The following ERC2 variants were observed in gnomAD, a reference collection of about 807,000 sequenced individuals.
ERC2 encodes ELKS/RAB6-interacting/CAST family member 2, also known as ERC protein 2.
In ERC2, 42 loss-of-function variants were observed where a neutral mutation model predicts 114.8. That is an observed-to-expected ratio of 0.37 (90% confidence interval 0.29 to 0.47). The LOEUF is 0.47. Among genes scored for constraint, ERC2 ranks in the 20% least tolerant of loss-of-function variants. ERC2 has a pLI of 0.99. For missense variants in ERC2, 939 were observed against 1,150.7 expected, an observed-to-expected ratio of 0.82 and a Z score of 2.66; for synonymous variants, 454 against 425.5, an observed-to-expected ratio of 1.07 and a Z score of -0.82.
At chr3:55,823,917 C>G (rs2060226719) in intron 14 of ERC2, among the ~76,000 whole-genome samples, 1 of 152,166 alleles carries the variant, frequency 6.6e-6, no homozygotes, top group Non-Finnish European at 1.5e-5. Context: ...TCTTCACAGT[C>G]TGGAGGCTAG....
chr3:56,259,450 G>A (rs1163896869), intron 3 of ERC2, among the ~76,000 whole-genome samples: 1 of 152,006 alleles, frequency 6.6e-6, no homozygotes, highest in African/African-American at 2.4e-5. Context: ...CTCCTCTCCT[G>A]TGTAAGTAGC....
At chr3:56,060,016 C>T (rs2076181733) in intron 7 of ERC2, among the ~76,000 whole-genome samples, 1 of 152,210 alleles carries the variant, frequency 6.6e-6, no homozygotes, top group Non-Finnish European at 1.5e-5. Context: ...CTAACATCTG[C>T]CTGGTTCCTC....
intron 17 of ERC2, among the ~76,000 whole-genome samples, chr3:55,547,987 T>G (rs1237328818): frequency 6.6e-6 from 1 of 152,216 alleles, no homozygotes; most frequent in Non-Finnish European, 1.5e-5. Context: ...GGGGCCTTCT[T>G]CAGGCTGTCA....
chr3:55,553,534 A>C (rs2055376757), intron 17 of ERC2, among the ~76,000 whole-genome samples: 1 of 152,026 alleles, frequency 6.6e-6, no homozygotes, highest in Non-Finnish European at 1.5e-5. Flanking sequence ...TAATCCCAGC[A>C]CTTTGGGAGG....
intron 1 of ERC2, among the ~76,000 whole-genome samples, chr3:56,436,183 G>C (rs575350632): frequency 6.6e-6 from 1 of 152,220 alleles, no homozygotes; most frequent in East Asian, 1.9e-4. Context: ...GAACAGATTT[G>C]AGAAAGGCAA....
At chr3:56,162,845 C>G (rs1006293195) in intron 4 of ERC2, among the ~76,000 whole-genome samples, 8 of 151,942 alleles carry the variant, frequency 5.3e-5, no homozygotes, top group Admixed American at 3.9e-4. Flanking sequence ...TCTTTGTATG[C>G]ATTTTTGGGT....
chr3:55,781,876 GA>G (rs532360945), intron 14 of ERC2, among the ~76,000 whole-genome samples: 8,800 of 81,184 alleles, frequency 0.11, 410 homozygotes, highest in South Asian at 0.22. Flanking sequence ...CAGCCTCACA[GA>G]AAAAAAAAAA....
At chr3:55,841,368 A>C (rs1278442369) in intron 14 of ERC2, among the ~76,000 whole-genome samples, 2 of 152,094 alleles carry the variant, frequency 1.3e-5, no homozygotes, top group African/African-American at 2.4e-5. Flanking sequence ...CTTCCCCTGC[A>C]CACACTCTCT....
At chr3:55,931,580 C>T (rs1263739353) in intron 13 of ERC2, among the ~76,000 whole-genome samples, 1 of 152,006 alleles carries the variant, frequency 6.6e-6, no homozygotes, top group Non-Finnish European at 1.5e-5. Context: ...GGGAGGGGAA[C>T]ACCACACACT....
At chr3:55,978,192 TA>T (rs1451496944) in intron 12 of ERC2, among the ~76,000 whole-genome samples, 1 of 152,212 alleles carries the variant, frequency 6.6e-6, no homozygotes, top group Non-Finnish European at 1.5e-5. Context: ...CAGATCTTTT[TA>T]TACATGAATA....
At chr3:55,577,979 G>T (rs948921645) in intron 17 of ERC2, among the ~76,000 whole-genome samples, 1 of 152,198 alleles carries the variant, frequency 6.6e-6, no homozygotes, top group Non-Finnish European at 1.5e-5. Context: ...GAAAGGGGAC[G>T]TGGCCCCCAC....
At chr3:56,419,831 T>C (rs1027806167) in intron 2 of ERC2, among the ~76,000 whole-genome samples, 1 of 152,164 alleles carries the variant, frequency 6.6e-6, no homozygotes, top group African/African-American at 2.4e-5. Context: ...CTAGGGAAAA[T>C]TATGACATTT....
chr3:56,169,393 G>C (rs2082500617), intron 4 of ERC2, among the ~76,000 whole-genome samples: 1 of 152,276 alleles, frequency 6.6e-6, no homozygotes, highest in Admixed American at 6.5e-5. Flanking sequence ...GCTAAGTTTG[G>C]AGTGAAGCTT....
chr3:56,261,856 C>T (rs1360416110), intron 3 of ERC2, among the ~76,000 whole-genome samples: 1 of 152,110 alleles, frequency 6.6e-6, no homozygotes, highest in African/African-American at 2.4e-5. Flanking sequence ...GATCCTCTCC[C>T]TCCTCCCACC....
At chr3:56,229,860 G>C (rs1204969958) in intron 3 of ERC2, among the ~76,000 whole-genome samples, 1 of 96,846 alleles carries the variant, frequency 1.0e-5, no homozygotes, top group Non-Finnish European at 2.1e-5. Flanking sequence ...CAAATATCTA[G>C]TCTTTTTTTT....
chr3:56,333,185 G>A (rs2057705808), intron 2 of ERC2, among the ~76,000 whole-genome samples: 2 of 152,162 alleles, frequency 1.3e-5, no homozygotes, highest in Non-Finnish European at 2.9e-5. Context: ...CTATACAGCT[G>A]GTAAGAATGT....
intron 17 of ERC2, among the ~76,000 whole-genome samples, chr3:55,525,578 C>T (rs989225937): frequency 1.3e-5 from 2 of 152,174 alleles, no homozygotes; most frequent in African/African-American, 4.8e-5. Context: ...CAGAAAGCAG[C>T]ATGTGGTAAG....
chr3:56,204,565 G>T (rs117852151), intron 3 of ERC2, among the ~76,000 whole-genome samples: 1 of 146,624 alleles, frequency 6.8e-6, no homozygotes. Flanking sequence ...GTGCAGTGAC[G>T]TGATCTTGGC....
intron 17 of ERC2, among the ~76,000 whole-genome samples, chr3:55,516,348 G>T (rs2107165322): frequency 6.6e-6 from 1 of 152,088 alleles, no homozygotes; most frequent in East Asian, 1.9e-4. Context: ...TCCTCATGAA[G>T]ATTTATTTAT....
Sources: gnomAD v4.1 joint callset for allele counts (sites outside exome capture counted in the v4.1 genomes callset) on GRCh38, gnomAD v4.1.1 for gene constraint, MANE v1.5 for transcripts, NCBI Gene and HGNC (gene_info 2026-07-23, HGNC 2026-07-21) for gene names.